The following DPYD variants were observed in gnomAD, a reference collection of about 807,000 sequenced individuals.
The protein encoded by DPYD is dihydropyrimidine dehydrogenase, also known as dihydropyrimidine dehydrogenase [NADP(+)].
Under a neutral mutation model 116.2 loss-of-function variants are expected in DPYD, and 109 were observed. The observed-to-expected ratio is 0.94, with a 90% CI of 0.80 to 1.10. DPYD has a LOEUF of 1.10. Ranked by LOEUF, DPYD falls within the 50% of genes least tolerant of loss-of-function variation. The probability of loss-of-function intolerance (pLI) is 0.00; values close to 1 mark genes in which losing one functional copy is unlikely to be tolerated. For synonymous variants in DPYD, 440 were observed against 432.0 expected (o/e 1.02, Z -0.23); for missense variants, 1,302 against 1,254.5 (o/e 1.04, Z -0.57).
At chr1:97,619,606 G>A (rs1309472769) in intron 8 of DPYD, among the ~76,000 whole-genome samples, 2 of 152,072 alleles carry the variant, frequency 1.3e-5, no homozygotes, top group African/African-American at 2.4e-5. Flanking sequence ...TAATGTTAAC[G>A]ACCATTGCTT....
chr1:97,553,137 G>A (rs1290332466), intron 11 of DPYD, among the ~76,000 whole-genome samples: 1 of 151,748 alleles, frequency 6.6e-6, no homozygotes, highest in East Asian at 1.9e-4. Context: ...TCATTTCCTT[G>A]TACATGTAGT....
chr1:97,617,223 G>A (rs144357840), intron 8 of DPYD, among the ~76,000 whole-genome samples: 12 of 152,182 alleles, frequency 7.9e-5, no homozygotes, highest in African/African-American at 2.2e-4. Flanking sequence ...CACACAGTTC[G>A]TGTCTACAAC....
intron 15 of DPYD, among the ~76,000 whole-genome samples, chr1:97,381,386 G>A (rs1671955465): frequency 6.6e-6 from 1 of 152,116 alleles, no homozygotes; most frequent in African/African-American, 2.4e-5. Flanking sequence ...GAAGCAAGCG[G>A]CATGATAAAG....
chr1:97,806,353 G>A (rs1668078355), intron 3 of DPYD, among the ~76,000 whole-genome samples: 1 of 151,788 alleles, frequency 6.6e-6, no homozygotes, highest in African/African-American at 2.4e-5. Flanking sequence ...TCATACAAGT[G>A]GGTATAAAAT....
In DPYD at chr1:97,829,409, A is replaced by G. The variant is rs187237262; in HGVS notation, c.151-1213T>C. On this transcript the variant is annotated intron_variant, in intron 2 of 22. Transcript: ENST00000370192. Reference sequence around the variant, plus strand: ...TGTTATAATTAAAATCTTTGAAATTACCAAAATGAATCTACAATAATTAAA... The same window carrying G: ...TGTTATAATTAAAATCTTTGAAATTGCCAAAATGAATCTACAATAATTAAA... Among the ~76,000 whole-genome samples, 389 of 152,226 alleles carry G rather than the reference A, an allele frequency of 2.6e-3. 1 individual carries two copies. Among genetic ancestry groups the G allele is most frequent in the Non-Finnish European group, 3.8e-3 (261 of 67,990 alleles).
rs146376455 is a variant in DPYD at position 97,390,917 on chromosome 1, C to T, written c.1906-8456G>A. Among the ~76,000 whole-genome samples the T allele has an allele frequency of 2.2e-4, 33 of 151,970 alleles. No homozygotes were observed. In the East Asian group the frequency reaches 6.4e-3, roughly 30 times the overall value. On this transcript the variant is annotated intron_variant, in intron 14 of 22. Transcript: ENST00000370192. ...ATCTCCCCAAGGTTAACAGTGACCT[C>T]ACCAAATATATTATATACTTTTCAG...
At chr1:97,465,744 G>C (rs1015218878) in intron 13 of DPYD, among the ~76,000 whole-genome samples, 7 of 152,112 alleles carry the variant, frequency 4.6e-5, no homozygotes, top group Non-Finnish European at 7.3e-5. Flanking sequence ...CTAGTCCCGG[G>C]TATGTCTTTA....
chr1:97,558,854 G>A (rs1317183901), intron 11 of DPYD, among the ~76,000 whole-genome samples: 1 of 152,126 alleles, frequency 6.6e-6, no homozygotes, highest in Non-Finnish European at 1.5e-5. Context: ...TTAAGACGCT[G>A]AACTCCTTGA....
intron 5 of DPYD, among the ~76,000 whole-genome samples, chr1:97,705,003 T>C (rs1661839401): frequency 1.3e-5 from 2 of 152,044 alleles, no homozygotes; most frequent in Non-Finnish European, 2.9e-5. Context: ...TAAATCTCTA[T>C]CATTTAGTCT....
At chr1:97,193,961 G>A (rs1002551224) in intron 19 of DPYD, among the ~76,000 whole-genome samples, 1 of 152,062 alleles carries the variant, frequency 6.6e-6, no homozygotes, top group African/African-American at 2.4e-5. Context: ...ATAGGTTATG[G>A]CCTTCTTTTA....
rs148961937 is a variant in DPYD at position 97,205,947 on chromosome 1, G to T, written c.2443-12699C>A. On this transcript the variant is annotated intron_variant, in intron 19 of 22. Coordinates refer to ENST00000370192, the MANE Select transcript of DPYD (RefSeq NM_000110.4). ...ATTGGGTCCTCACAGGGCATCTCCA[G>T]CGCTTAATGGGAATGGGGTGGCAGG... 1.6e-3 allele frequency among the ~76,000 whole-genome samples: 242 copies of T among 152,210 alleles called. 1 individual carries two copies. Among genetic ancestry groups the T allele is most frequent in the Middle Eastern group, 0.01 (3 of 294 alleles).
chr1:97,143,629 G>A (rs547074797), intron 20 of DPYD, among the ~76,000 whole-genome samples: 23 of 152,002 alleles, frequency 1.5e-4, no homozygotes, highest in Non-Finnish European at 3.1e-4. Context: ...TTTCACACAG[G>A]AGTTTCTTAG....
chr1:97,708,572 C>G (rs1392123791), intron 5 of DPYD, among the ~76,000 whole-genome samples: 1 of 152,002 alleles, frequency 6.6e-6, no homozygotes, highest in Non-Finnish European at 1.5e-5. Flanking sequence ...GTCTTAAAAT[C>G]AGGTAGTCCG....
chr1:97,843,715 T>C (rs1030299280), intron 2 of DPYD, among the ~76,000 whole-genome samples: 1 of 152,172 alleles, frequency 6.6e-6, no homozygotes, highest in Non-Finnish European at 1.5e-5. Flanking sequence ...TATTTTCATA[T>C]GTACAGCATT....
At chr1:97,152,488 A>G (rs1655102915) in intron 20 of DPYD, among the ~76,000 whole-genome samples, 1 of 151,634 alleles carries the variant, frequency 6.6e-6, no homozygotes, top group South Asian at 2.1e-4. Flanking sequence ...AAACACATTG[A>G]ATATATACAC....
chr1:97,623,096 A>G (rs1355828600), intron 8 of DPYD, among the ~76,000 whole-genome samples: 2 of 152,086 alleles, frequency 1.3e-5, no homozygotes. Context: ...AAGCTGGGCA[A>G]TGTTGAAAGT....
chr1:97,656,464 T>C (rs1658909875), intron 8 of DPYD, among the ~76,000 whole-genome samples: 1 of 152,170 alleles, frequency 6.6e-6, no homozygotes, highest in African/African-American at 2.4e-5. Context: ...TACCTGGTAC[T>C]ACCAATCTTG....
chr1:97,449,916 C>G, intron 14 of DPYD, 143 bp downstream of exon 14: 1 of 1,049,352 alleles, frequency 9.5e-7, no homozygotes. Context: ...TCTTTTTTAT[C>G]TTTCTATGCA....
chr1:97,829,651 T>G (rs1557993528), intron 2 of DPYD, among the ~76,000 whole-genome samples: 1 of 152,190 alleles, frequency 6.6e-6, no homozygotes, highest in Non-Finnish European at 1.5e-5. Context: ...ATTGAGACCA[T>G]TAAGAAAAAA....
Sources: allele counts gnomAD v4.1 joint callset (sites outside exome capture counted in the v4.1 genomes callset), GRCh38; gene constraint gnomAD v4.1.1; transcripts MANE v1.5; gene names NCBI Gene and HGNC (gene_info 2026-07-23, HGNC 2026-07-21).